CNOT4: variants seen among roughly 807,000 people sequenced by gnomAD.
CNOT4 encodes CCR4-associated factor 4.
Under a neutral mutation model 73.8 loss-of-function variants are expected in CNOT4, and 8 were observed. That is an observed-to-expected ratio of 0.11 (90% confidence interval 0.06 to 0.20). The LOEUF (loss-of-function observed/expected upper bound fraction) is 0.20, where lower values mean the gene tolerates loss of function less well. CNOT4 is among the 10% of genes least tolerant of loss of function. CNOT4 has a pLI of 1.00. For synonymous variants in CNOT4, 293 were observed against 321.1 expected (o/e 0.91, Z 0.94); for missense variants, 564 against 883.4 (o/e 0.64, Z 4.58).
intron 2 of CNOT4, among the ~76,000 whole-genome samples, chr7:135,432,578 T>A (rs1181723126): frequency 6.6e-6 from 1 of 152,220 alleles, no homozygotes; most frequent in Non-Finnish European, 1.5e-5. Flanking sequence ...TTGGACTGGT[T>A]GCCCTCTTTA....
chr7:135,473,211 A>G (rs1022382073), intron 1 of CNOT4, among the ~76,000 whole-genome samples: 2 of 152,204 alleles, frequency 1.3e-5, no homozygotes, highest in Non-Finnish European at 2.9e-5. Flanking sequence ...TCAAACTCCT[A>G]TATAAGTATT....
At chr7:135,385,919 A>T (rs910249091) in intron 10 of CNOT4, among the ~76,000 whole-genome samples, 2 of 152,198 alleles carry the variant, frequency 1.3e-5, no homozygotes, top group South Asian at 4.1e-4. Context: ...TAGGTACTCA[A>T]ATATTTAATT....
chr7:135,416,802 T>TA (rs1292814734), intron 3 of CNOT4, among the ~76,000 whole-genome samples: 22 of 152,198 alleles, frequency 1.4e-4, no homozygotes, highest in Admixed American at 4.6e-4. Flanking sequence ...GAGAGACTGT[T>TA]AAAGTGACTG....
At chr7:135,372,078 A>G (rs1016364280) in intron 10 of CNOT4, among the ~76,000 whole-genome samples, 1 of 152,206 alleles carries the variant, frequency 6.6e-6, no homozygotes, top group African/African-American at 2.4e-5. Context: ...AAAACAAATG[A>G]CAAAATTGCA....
Position 135,375,320 on chromosome 7 carries a change from T to C in CNOT4, c.1628-11254A>G, listed in dbSNP as rs1795458166. ...GGATGTTTGATCTACATCCAGAAGT[T>C]AACAGACAAGTGGTCTTCATGTGTT... On this transcript the variant is annotated intron_variant, in intron 10 of 11. Transcript: ENST00000541284. Among the ~76,000 whole-genome samples, 3 of 152,174 alleles carry C rather than the reference T, an allele frequency of 2.0e-5. No individual in the cohort carries two copies. In the South Asian group the frequency reaches 6.2e-4, roughly 31 times the overall value.
chr7:135,444,325 A>G, intron 1 of CNOT4: 2 of 617,980 alleles, frequency 3.2e-6, no homozygotes, highest in Non-Finnish European at 5.9e-6. Context: ...CAGTGTTCCT[A>G]ACAGTATTTT....
chr7:135,461,039 T>C (rs1242026449), intron 1 of CNOT4, among the ~76,000 whole-genome samples: 2 of 152,198 alleles, frequency 1.3e-5, no homozygotes, highest in Admixed American at 6.5e-5. Flanking sequence ...CAAAAAACAG[T>C]CCATGAATAG....
intron 1 of CNOT4, among the ~76,000 whole-genome samples, chr7:135,460,626 G>A (rs576419879): frequency 6.6e-5 from 10 of 152,158 alleles, no homozygotes; most frequent in African/African-American, 2.4e-4. Flanking sequence ...AGAGATCACC[G>A]TAACAGACAT....
chr7:135,508,570 C>T (rs985869502), intron 1 of CNOT4, among the ~76,000 whole-genome samples: 1 of 152,188 alleles, frequency 6.6e-6, no homozygotes, highest in African/African-American at 2.4e-5. Flanking sequence ...TGATAACTAT[C>T]ATCCTAGAAA....
chr7:135,395,574 T>A (rs1056517570), intron 9 of CNOT4, 60 bp downstream of exon 9: 16 of 1,522,792 alleles, frequency 1.1e-5, no homozygotes, highest in Non-Finnish European at 1.3e-5. Flanking sequence ...AGTTTCATGT[T>A]AGTCTGTCAA....
intron 6 of CNOT4, 46 bp downstream of exon 6, chr7:135,413,442 A>G: frequency 6.3e-7 from 1 of 1,583,802 alleles, no homozygotes; most frequent in South Asian, 1.2e-5. Flanking sequence ...TAAAAAAAAA[A>G]GTACTCCCTT....
intron 10 of CNOT4, among the ~76,000 whole-genome samples, chr7:135,392,940 T>C (rs564908341): frequency 5.1e-4 from 78 of 152,278 alleles, no homozygotes; most frequent in Admixed American, 1.9e-3. Context: ...ACAATAATAC[T>C]GTGCCATGCC....
chr7:135,401,745 G>C (rs925037469), intron 7 of CNOT4, among the ~76,000 whole-genome samples: 17 of 152,164 alleles, frequency 1.1e-4, no homozygotes, highest in African/African-American at 3.4e-4. Flanking sequence ...CAAAGAATGA[G>C]AGAGGCAAAA....
chr7:135,470,564 T>C (rs1345520243), intron 1 of CNOT4, among the ~76,000 whole-genome samples: 1 of 108,948 alleles, frequency 9.2e-6, no homozygotes, highest in Non-Finnish European at 1.9e-5. Context: ...AGAGCTAGAC[T>C]CTGTCTTAAA....
chr7:135,387,554 C>CTTTT, intron 10 of CNOT4: 5 of 915,374 alleles, frequency 5.5e-6, no homozygotes, highest in South Asian at 5.1e-5. Context: ...CCCTTTCATA[C>CTTTT]TTTTTTTTTT....
chr7:135,484,865 T>G (rs1392332327), intron 1 of CNOT4, among the ~76,000 whole-genome samples: 1 of 150,890 alleles, frequency 6.6e-6, no homozygotes, highest in Non-Finnish European at 1.5e-5. Context: ...CCAAAGAAAA[T>G]GAAATAGTTA....
intron 10 of CNOT4, among the ~76,000 whole-genome samples, chr7:135,370,702 T>A (rs1436145648): frequency 2.0e-5 from 3 of 152,210 alleles, no homozygotes; most frequent in Non-Finnish European, 4.4e-5. Flanking sequence ...TGAGAAGAGC[T>A]GGAAAGTGAC....
intron 1 of CNOT4, among the ~76,000 whole-genome samples, chr7:135,460,394 C>G (rs751779111): frequency 6.6e-6 from 1 of 152,164 alleles, no homozygotes; most frequent in African/African-American, 2.4e-5. Context: ...AAGTGAGAGA[C>G]ATGTGATTCT....
chr7:135,505,145 C>T (rs1804279836), intron 1 of CNOT4, among the ~76,000 whole-genome samples: 1 of 152,134 alleles, frequency 6.6e-6, no homozygotes, highest in South Asian at 2.1e-4. Flanking sequence ...GACATACACA[C>T]CTATACAAAT....
Sources: gnomAD v4.1 joint callset for allele counts (sites outside exome capture counted in the v4.1 genomes callset) on GRCh38, gnomAD v4.1.1 for gene constraint, MANE v1.5 for transcripts, NCBI Gene and HGNC (gene_info 2026-07-23, HGNC 2026-07-21) for gene names.